Variants in RAB6A observed in about 807,000 individuals in gnomAD.
RAB6A encodes RAB6A, member RAS oncogene family.
In RAB6A, 8 loss-of-function variants were observed where a neutral mutation model predicts 32.3. The observed-to-expected ratio is 0.25, with a 90% CI of 0.15 to 0.45. RAB6A has a LOEUF of 0.45. RAB6A is among the 20% of genes least tolerant of loss of function. The pLI, the probability that RAB6A is intolerant of heterozygous loss-of-function variation, is 1.00. For missense variants in RAB6A, 104 were observed against 249.4 expected, an observed-to-expected ratio of 0.42 and a Z score of 3.93; for synonymous variants, 73 against 82.1, an observed-to-expected ratio of 0.89 and a Z score of 0.60.
intron 6 of RAB6A, among the ~76,000 whole-genome samples, chr11:73,687,690 T>C (rs1216042252): frequency 6.6e-6 from 1 of 152,194 alleles, no homozygotes; most frequent in African/African-American, 2.4e-5. Context: ...ACCCCGTTTC[T>C]TTTAAAAATA....
At chr11:73,746,517 A>AC in intron 1 of RAB6A, among the ~76,000 whole-genome samples, 1 of 152,150 alleles carries the variant, frequency 6.6e-6, no homozygotes, top group Middle Eastern at 3.4e-3. Flanking sequence ...CTTAAAAAAA[A>AC]CCAGCACTTT....
intron 6 of RAB6A, among the ~76,000 whole-genome samples, chr11:73,705,772 G>GAGAGAGAA (rs2134916496): frequency 7.2e-6 from 1 of 138,250 alleles, no homozygotes; most frequent in South Asian, 2.4e-4. Flanking sequence ...TCCGATGAGA[G>GAGAGAGAA]AGAGAGAGAG....
intron 6 of RAB6A, among the ~76,000 whole-genome samples, chr11:73,682,401 C>T (rs993632129): frequency 4.6e-5 from 7 of 152,158 alleles, no homozygotes; most frequent in African/African-American, 7.2e-5. Context: ...TGGTGGCTCA[C>T]GCCTGTAATC....
At chr11:73,684,246 G>A (rs1016854553) in intron 6 of RAB6A, among the ~76,000 whole-genome samples, 3 of 146,320 alleles carry the variant, frequency 2.1e-5, no homozygotes, top group Non-Finnish European at 1.5e-5. Flanking sequence ...TAGGCTTACC[G>A]CAACCTCTGC....
At chr11:73,723,179 G>A (rs1946168323) in intron 2 of RAB6A, among the ~76,000 whole-genome samples, 1 of 151,998 alleles carries the variant, frequency 6.6e-6, no homozygotes, top group African/African-American at 2.4e-5. Flanking sequence ...GAACAAACAT[G>A]CAGTTAGTCT....
chr11:73,746,438 G>A lies in RAB6A; in HGVS notation c.70+14128C>T, dbSNP rs1185990246. 2.6e-5 allele frequency among the ~76,000 whole-genome samples: 4 copies of A among 151,972 alleles called. No individual in the cohort carries two copies. In the East Asian group the frequency reaches 7.7e-4, roughly 29 times the overall value. Reference sequence around the variant, plus strand: ...GGCAGAAGAAACACTTGAGCCCAGGGGTTCAAAGTCAGTGTGCTATGATTG... The same window carrying A: ...GGCAGAAGAAACACTTGAGCCCAGGAGTTCAAAGTCAGTGTGCTATGATTG... On this transcript the variant is annotated intron_variant, in intron 1 of 7. Coordinates refer to ENST00000336083, the MANE Select transcript of RAB6A (RefSeq NM_198896.2).
chr11:73,703,959 GGC>G (rs1251965805), intron 6 of RAB6A, among the ~76,000 whole-genome samples: 2 of 151,466 alleles, frequency 1.3e-5, no homozygotes, highest in African/African-American at 4.9e-5. Context: ...GAACCCGGGA[GGC>G]AAGGTTGCAG....
At chr11:73,708,493 A>C (rs1945886898) in intron 5 of RAB6A, among the ~76,000 whole-genome samples, 2 of 141,900 alleles carry the variant, frequency 1.4e-5, no homozygotes, top group Admixed American at 1.4e-4. Flanking sequence ...CTGTAAGTGA[A>C]GTAAGTGAGT....
chr11:73,731,050 T>G (rs962595999), intron 1 of RAB6A, among the ~76,000 whole-genome samples: 1 of 152,202 alleles, frequency 6.6e-6, no homozygotes, highest in Non-Finnish European at 1.5e-5. Flanking sequence ...TAGTTAAAAG[T>G]TGAAAACATT....
chr11:73,745,964 C>T (rs1170109935), intron 1 of RAB6A, among the ~76,000 whole-genome samples: 2 of 151,584 alleles, frequency 1.3e-5, no homozygotes, highest in East Asian at 1.9e-4. Context: ...TGCGCCACTG[C>T]ACTCCAGCCT....
At chr11:73,714,393 G>A (rs1226998598) in intron 5 of RAB6A, among the ~76,000 whole-genome samples, 2 of 151,874 alleles carry the variant, frequency 1.3e-5, no homozygotes, top group Admixed American at 1.3e-4. Context: ...CGGGCGCGGT[G>A]ACTCACGCCT....
At chr11:73,760,118 G>A in intron 1 of RAB6A, 1 of 1,292,360 alleles carries the variant, frequency 7.7e-7, no homozygotes, top group Non-Finnish European at 1.0e-6. Flanking sequence ...ACCCTCCTTG[G>A]CCAAGGTTGA....
chr11:73,713,961 C>T (rs934939983), intron 5 of RAB6A, among the ~76,000 whole-genome samples: 1 of 151,742 alleles, frequency 6.6e-6, no homozygotes, highest in Non-Finnish European at 1.5e-5. Flanking sequence ...GAAGCCGAGG[C>T]GGGTGGATCA....
chr11:73,705,757 A>T (rs191565678), intron 6 of RAB6A, among the ~76,000 whole-genome samples: 2 of 133,412 alleles, frequency 1.5e-5, no homozygotes, highest in Admixed American at 8.6e-5. Context: ...CTGGGAATAT[A>T]TAATTCCGAT....
intron 6 of RAB6A, among the ~76,000 whole-genome samples, chr11:73,706,008 C>T (rs963119563): frequency 6.6e-6 from 1 of 151,918 alleles, no homozygotes; most frequent in African/African-American, 2.4e-5. Flanking sequence ...GCAAAGGAAA[C>T]AAAAGCATGA....
intron 6 of RAB6A, among the ~76,000 whole-genome samples, chr11:73,695,865 A>G (rs192645019): frequency 6.6e-6 from 1 of 152,326 alleles, no homozygotes; most frequent in African/African-American, 2.4e-5. Context: ...GATGATGACA[A>G]GCTGAATATG....
intron 2 of RAB6A, chr11:73,722,295 A>ATGTGTGTGTGTATGTGTGTGTG (rs1555061974): frequency 1.1e-4 from 9 of 80,834 alleles, no homozygotes; most frequent in Admixed American, 1.5e-4. Flanking sequence ...TCAAATATAT[A>ATGTGTGTGTGTATGTGTGTGTG]TGTGTGTGTG....
intron 3 of RAB6A, among the ~76,000 whole-genome samples, chr11:73,720,337 C>A (rs973350253): frequency 8.6e-5 from 13 of 151,866 alleles, no homozygotes; most frequent in African/African-American, 3.1e-4. Flanking sequence ...CCCGCCACCA[C>A]GCCTGGCTAA....
chr11:73,688,296 T>C (rs1355108493), intron 6 of RAB6A, among the ~76,000 whole-genome samples: 1 of 152,212 alleles, frequency 6.6e-6, no homozygotes, highest in African/African-American at 2.4e-5. Flanking sequence ...CATGGTCTGC[T>C]GAACTCTGGA....
Sources: allele counts gnomAD v4.1 joint callset (sites outside exome capture counted in the v4.1 genomes callset), GRCh38; gene constraint gnomAD v4.1.1; transcripts MANE v1.5; gene names NCBI Gene and HGNC (gene_info 2026-07-23, HGNC 2026-07-21).